EYS: variants seen among roughly 807,000 people sequenced by gnomAD.
EYS encodes the protein protein eyes shut homolog.
In EYS, 250 loss-of-function variants were observed where a neutral mutation model predicts 282.1. The ratio of observed to expected loss-of-function variants is 0.89; its 90% CI spans 0.80 to 0.98. The LOEUF (loss-of-function observed/expected upper bound fraction) is 0.98. Among genes scored for constraint, EYS ranks in the 50% least tolerant of loss-of-function variants. The pLI, the probability that EYS is intolerant of heterozygous loss-of-function variation, is 0.00. For synonymous variants in EYS, 1,355 were observed against 1,282.9 expected (o/e 1.06, Z -1.20); for missense variants, 4,016 against 3,709.0 (o/e 1.08, Z -2.15).
chr6:65,084,942 A>G (rs765380973), intron 12 of EYS, among the ~76,000 whole-genome samples: 1 of 152,090 alleles, frequency 6.6e-6, no homozygotes, highest in African/African-American at 2.4e-5. Flanking sequence ...TGCTGTCTAA[A>G]TCTCAGGCTA....
At chr6:63,911,943 A>G (rs1176855516) in intron 35 of EYS, among the ~76,000 whole-genome samples, 2 of 152,248 alleles carry the variant, frequency 1.3e-5, no homozygotes, top group Non-Finnish European at 2.9e-5. Flanking sequence ...GGAGCTAATG[A>G]TTTAAAGGAC....
At chr6:64,441,306 T>C (rs889924316) in intron 26 of EYS, among the ~76,000 whole-genome samples, 6 of 152,180 alleles carry the variant, frequency 3.9e-5, no homozygotes, top group African/African-American at 1.4e-4. Context: ...CAACTCTGAA[T>C]GAAAAATTAA....
intron 12 of EYS, among the ~76,000 whole-genome samples, chr6:65,260,793 A>G (rs1472260836): frequency 1.3e-5 from 2 of 152,256 alleles, no homozygotes; most frequent in African/African-American, 2.4e-5. Context: ...AAAAAACACG[A>G]GGACAAAAAT....
At chr6:64,066,542 TG>T in intron 32 of EYS, 51 bp from the exon 33 acceptor site, 1 of 1,256,806 alleles carries the variant, frequency 8.0e-7, no homozygotes, top group Non-Finnish European at 1.1e-6. Flanking sequence ...TATATTTTAT[TG>T]GTTAACAATA....
chr6:65,507,945 T>C (rs1342700612), intron 2 of EYS, among the ~76,000 whole-genome samples: 1 of 152,224 alleles, frequency 6.6e-6, no homozygotes, highest in Non-Finnish European at 1.5e-5. Context: ...TTCTGATGAT[T>C]ACTTTGTCTC....
intron 31 of EYS, among the ~76,000 whole-genome samples, chr6:64,171,305 G>A (rs1582378289): frequency 6.6e-6 from 1 of 152,072 alleles, no homozygotes; most frequent in African/African-American, 2.4e-5. Context: ...TAATCTTATA[G>A]GGATCTGTGG....
intron 19 of EYS, among the ~76,000 whole-genome samples, chr6:64,848,861 C>A (rs1051071690): frequency 1.3e-5 from 2 of 152,026 alleles, no homozygotes; most frequent in South Asian, 4.1e-4. Flanking sequence ...TGTGCCTAGG[C>A]AATTTATTCA....
chr6:64,957,737 C>T (rs1480660134), intron 14 of EYS, among the ~76,000 whole-genome samples: 2 of 151,722 alleles, frequency 1.3e-5, no homozygotes, highest in African/African-American at 2.4e-5. Flanking sequence ...ATTATGTACC[C>T]GCAAATATAA....
intron 12 of EYS, among the ~76,000 whole-genome samples, chr6:65,150,928 T>G (rs1227272377): frequency 1.3e-5 from 2 of 152,034 alleles, no homozygotes; most frequent in African/African-American, 4.8e-5. Context: ...TTTCACTTTT[T>G]CTTATTTAAT....
intron 2 of EYS, among the ~76,000 whole-genome samples, chr6:65,625,350 T>A (rs1766655313): frequency 6.6e-6 from 1 of 152,196 alleles, no homozygotes; most frequent in Non-Finnish European, 1.5e-5. Flanking sequence ...TGTGAGATAA[T>A]CTATTTGTGT....
chr6:65,107,655 T>C (rs564031484), intron 12 of EYS, among the ~76,000 whole-genome samples: 1 of 148,626 alleles, frequency 6.7e-6, no homozygotes, highest in South Asian at 2.1e-4. Flanking sequence ...GAAAGATTTA[T>C]TTTCCCACAG....
At chr6:65,706,703 C>A (rs1294160894) in intron 1 of EYS, among the ~76,000 whole-genome samples, 1 of 152,042 alleles carries the variant, frequency 6.6e-6, no homozygotes, top group African/African-American at 2.4e-5. Flanking sequence ...GATTTATGGC[C>A]AAAATCTTTT....
intron 31 of EYS, among the ~76,000 whole-genome samples, chr6:64,148,079 T>C (rs541385583): frequency 6.6e-6 from 1 of 152,142 alleles, no homozygotes. Flanking sequence ...AATTTTTTTG[T>C]TTATCATATT....
At chr6:64,553,002 A>G (rs774744944) in intron 26 of EYS, among the ~76,000 whole-genome samples, 4 of 146,988 alleles carry the variant, frequency 2.7e-5, no homozygotes, top group Non-Finnish European at 4.5e-5. Flanking sequence ...ACCCACTTCA[A>G]GTTGTCCCGA....
chr6:65,427,776 A>G (rs964034428), intron 5 of EYS, among the ~76,000 whole-genome samples: 1 of 152,218 alleles, frequency 6.6e-6, no homozygotes. Context: ...ATTTGAAATA[A>G]TCAAAATAGT....
At chr6:64,118,290 C>T (rs986761186) in intron 31 of EYS, among the ~76,000 whole-genome samples, 1 of 152,062 alleles carries the variant, frequency 6.6e-6, no homozygotes, top group African/African-American at 2.4e-5. Flanking sequence ...TCAAAATATA[C>T]TACAGAGCTA....
intron 13 of EYS, among the ~76,000 whole-genome samples, chr6:65,001,281 G>C (rs193183462): frequency 1.4e-5 from 2 of 147,470 alleles, no homozygotes; most frequent in South Asian, 4.4e-4. Flanking sequence ...GAGAGATCTT[G>C]AGTGGTGGAG....
intron 12 of EYS, among the ~76,000 whole-genome samples, chr6:65,280,511 A>G (rs1768186707): frequency 6.6e-6 from 1 of 152,208 alleles, no homozygotes; most frequent in Non-Finnish European, 1.5e-5. Flanking sequence ...TTCAAGCTAT[A>G]CTAAGAAATT....
chr6:64,560,042 A>G (rs1765348816), intron 26 of EYS, among the ~76,000 whole-genome samples: 1 of 152,134 alleles, frequency 6.6e-6, no homozygotes, highest in African/African-American at 2.4e-5. Context: ...TTACTTCAAG[A>G]AAAATTATGA....
Sources: allele counts gnomAD v4.1 joint callset (sites outside exome capture counted in the v4.1 genomes callset), GRCh38; gene constraint gnomAD v4.1.1; transcripts MANE v1.5; gene names NCBI Gene and HGNC (gene_info 2026-07-23, HGNC 2026-07-21).